Variants in PPARA observed in about 807,000 individuals in gnomAD.
PPARA encodes the protein peroxisome proliferator activated receptor alpha.
PPARA carries 22 observed loss-of-function variants against 42.2 expected under a neutral mutation model. The observed-to-expected ratio is 0.52, with a 90% CI of 0.37 to 0.74. The LOEUF (loss-of-function observed/expected upper bound fraction) is 0.74. Among genes scored for constraint, PPARA ranks in the 30% least tolerant of loss-of-function variants. The pLI is 0.00. For synonymous variants in PPARA, 242 were observed against 239.3 expected (o/e 1.01, Z -0.10); for missense variants, 465 against 608.2 (o/e 0.76, Z 2.48).
At position 46,150,918 on chromosome 22, in the gene PPARA, A is replaced by G. The variant is rs1418998757; in HGVS notation, c.-210+266A>G. 1 of 151,498 alleles carries G rather than the reference A, an allele frequency of 6.6e-6. No individual in the cohort carries two copies. The highest frequency in any genetic ancestry group is 1.5e-5 in the Non-Finnish European group (1 of 67,924). The allele number at this position is 151,498 out of a possible 1,614,324, so 9.4% of individuals were successfully genotyped here. ...CGGGGCCCAGCTCGGCCTCCCTCCTAGCGCTGGGGGCCTGCCCGGAACCCG... is the reference window on the plus strand; with the variant it reads ...CGGGGCCCAGCTCGGCCTCCCTCCTGGCGCTGGGGGCCTGCCCGGAACCCG... On this transcript the variant is annotated intron_variant, in intron 1 of 8. Transcript: ENST00000407236. This position sits in a 1 kb window ranked among gnomAD's most constrained non-coding sequence, Gnocchi z 7.5.
At chr22:46,172,004 C>G (rs921132756) in intron 2 of PPARA, among the ~76,000 whole-genome samples, 2 of 152,128 alleles carry the variant, frequency 1.3e-5, no homozygotes, top group East Asian at 3.9e-4. Flanking sequence ...AAAGGCTCCA[C>G]CGCGTTGGGT....
rs1934451144 is a variant in PPARA, at chr22:46,216,006, G to A, written c.369+673G>A. 6.6e-6 allele frequency among the ~76,000 whole-genome samples: 1 copy of A among 152,150 alleles called. No homozygotes were observed. The highest frequency in any genetic ancestry group is 1.5e-5 in the Non-Finnish European group (1 of 68,034). ...CGGTCCCTGGTGGCAAAAAGGTTGG[G>A]GATTGCTGCTTTAGAGAGTCTAGGA... On this transcript the variant is annotated intron_variant, in intron 5 of 8. Coordinates refer to ENST00000407236, the MANE Select transcript of PPARA (RefSeq NM_005036.6). This position sits in a 1 kb window ranked among gnomAD's most constrained non-coding sequence, Gnocchi z 4.5.
chr22:46,212,209 G>T lies in PPARA; in HGVS notation c.209-2964G>T, dbSNP rs143728672. Reference sequence around the variant, plus strand: ...GTAGCTGGGATTACAGGTGCACACCGCTGAGCCCAGCAAATTTTTGTATTT... The same window carrying T: ...GTAGCTGGGATTACAGGTGCACACCTCTGAGCCCAGCAAATTTTTGTATTT... On this transcript the variant is annotated intron_variant, in intron 4 of 8. Coordinates refer to ENST00000407236, the MANE Select transcript of PPARA (RefSeq NM_005036.6). This position sits in a 1 kb window ranked among gnomAD's most constrained non-coding sequence, Gnocchi z 4.2. Among the ~76,000 whole-genome samples the T allele has an allele frequency of 2.6e-5, 4 of 151,704 alleles. No homozygotes were observed. The East Asian group carries it at 7.8e-4, about 30-fold the overall frequency.
chr22:46,223,747 C>G (rs948137723), intron 7 of PPARA, among the ~76,000 whole-genome samples: 3 of 150,744 alleles, frequency 2.0e-5, no homozygotes, highest in African/African-American at 7.3e-5. Flanking sequence ...CTCAGGAGTT[C>G]GAGACCAGCC....
Position 46,173,036 on chromosome 22 carries a change from C to A in PPARA, c.-126-3717C>A, listed in dbSNP as rs548282065. ...GGCTTGCTTCTGCTCCCTTAGTGTT[C>A]TTGTCACTTTAAGTTGCATTCATCT... On this transcript the variant is annotated intron_variant, in intron 2 of 8. Transcript: ENST00000407236. The surrounding 1 kb of genome is among the most constrained non-coding windows in gnomAD (Gnocchi z 4.3). 3.9e-5 allele frequency among the ~76,000 whole-genome samples: 6 copies of A among 152,274 alleles called. No homozygotes were observed. Among genetic ancestry groups the A allele is most frequent in the African/African-American group, 1.4e-4 (6 of 41,552 alleles).
chr22:46,195,787 G>C lies in PPARA; in HGVS notation c.-42-2555G>C, dbSNP rs114292691. On this transcript the variant is annotated intron_variant, in intron 3 of 8. Transcript: ENST00000407236. The surrounding 1 kb of genome is among the most constrained non-coding windows in gnomAD (Gnocchi z 4.6). ...GATGACGGCTGCCCTGACAGTGGCT[G>C]GTAGCAGCACATACCCCCGAGCCTC... Among the ~76,000 whole-genome samples the C allele has an allele frequency of 0.022, 3,341 of 152,182 alleles. 121 individuals are homozygous for C. Among genetic ancestry groups the C allele is most frequent in the African/African-American group, 0.077 (3,193 of 41,506 alleles).
At chr22:46,176,859 CG>C (rs1323655391) in intron 3 of PPARA, 23 bp downstream of exon 3, 1 of 152,236 alleles carries the variant, frequency 6.6e-6, no homozygotes, top group Non-Finnish European at 1.5e-5. Flanking sequence ...TTAGGAGCAT[CG>C]TGTCTTCCTG....
chr22:46,164,220 A>G (rs1926682094), intron 2 of PPARA: 1 of 151,634 alleles, frequency 6.6e-6, no homozygotes, highest in Non-Finnish European at 1.5e-5. Context: ...AAATAAATAA[A>G]GTCGGGTTTA....
At position 46,222,012 on chromosome 22, in the gene PPARA, G is replaced by A. The variant is rs1187013692; in HGVS notation, c.711+1998G>A. ...GAATTGCTTGAACCTGGGAGCTGGA[G>A]GTTGCAGTGAGCTGAGATCGCACCA... On this transcript the variant is annotated intron_variant, in intron 7 of 8. Coordinates refer to ENST00000407236, the MANE Select transcript of PPARA (RefSeq NM_005036.6). This position sits in a 1 kb window ranked among gnomAD's most constrained non-coding sequence, Gnocchi z 5.9. Among the ~76,000 whole-genome samples, 2 of 152,144 alleles carry A rather than the reference G, an allele frequency of 1.3e-5. No individual in the cohort carries two copies. Among genetic ancestry groups the A allele is most frequent in the Non-Finnish European group, 2.9e-5 (2 of 68,034 alleles).
In PPARA at chr22:46,210,571, T is replaced by C. The variant is rs143975485; in HGVS notation, c.209-4602T>C. On this transcript the variant is annotated intron_variant, in intron 4 of 8. Transcript: ENST00000407236. ...GATTCTCCTGCCTCAGCCTCCCAGG[T>C]AGCTGGGATTACAGGTGCTCACCAC... Among the ~76,000 whole-genome samples, 49 of 152,070 alleles carry C rather than the reference T, an allele frequency of 3.2e-4. 1 individual carries two copies. In the East Asian group the frequency reaches 8.7e-3, roughly 27 times the overall value.
rs1276267215 is a variant in PPARA at position 46,200,046 on chromosome 22, C to G, written c.208+1455C>G. On this transcript the variant is annotated intron_variant, in intron 4 of 8. Coordinates refer to ENST00000407236, the MANE Select transcript of PPARA (RefSeq NM_005036.6). The surrounding 1 kb of genome is among the most constrained non-coding windows in gnomAD (Gnocchi z 4.8). ...CCCAATTAAAATCTTTAACACTAAACAATCTAGTACATCACTGGTGGAAAC... is the reference window on the plus strand; with the variant it reads ...CCCAATTAAAATCTTTAACACTAAAGAATCTAGTACATCACTGGTGGAAAC... Among the ~76,000 whole-genome samples the G allele has an allele frequency of 6.6e-6, 1 of 152,148 alleles. No homozygotes were observed. Among genetic ancestry groups the G allele is most frequent in the African/African-American group, 2.4e-5 (1 of 41,444 alleles).
intron 6 of PPARA, 29 bp downstream of exon 6, chr22:46,218,430 C>G: frequency 6.2e-7 from 1 of 1,613,902 alleles, no homozygotes; most frequent in African/African-American, 1.3e-5. Context: ...CACATTTTCC[C>G]AGTTCGTTCC....
Position 46,235,434 on chromosome 22 carries a change from C to T in PPARA, c.*54C>T. ...AGGAGTTCTGAAGCTGACAGCACTA[C>T]AAAGGAGACGGGGGAGCAGCACGAT... On this transcript the variant is annotated 3_prime_UTR_variant, in exon 9 of 9. Transcript: ENST00000407236. This position sits in a 1 kb window ranked among gnomAD's most constrained non-coding sequence, Gnocchi z 7.0. 6 of 1,601,364 alleles carry T rather than the reference C, an allele frequency of 3.7e-6. No homozygotes were observed. Among genetic ancestry groups the T allele is most frequent in the Non-Finnish European group, 5.1e-6 (6 of 1,175,026 alleles).
At chr22:46,177,046 TACAA>T (rs1380630863) in intron 3 of PPARA, among the ~76,000 whole-genome samples, 6 of 151,956 alleles carry the variant, frequency 3.9e-5, no homozygotes, top group African/African-American at 1.2e-4. Flanking sequence ...CTGTCTCTAC[TACAA>T]ATACAAAAAA....
chr22:46,213,526 GC>G (rs1188097100), intron 4 of PPARA, among the ~76,000 whole-genome samples: 1 of 150,694 alleles, frequency 6.6e-6, no homozygotes, highest in Admixed American at 6.7e-5. Flanking sequence ...CCCTGCCTCA[GC>G]CTCCCAAGTA....
In PPARA at chr22:46,235,771, C is replaced by A. The variant is rs1936173237; in HGVS notation, c.*391C>A. 3 of 297,260 alleles carry A rather than the reference C, an allele frequency of 1.0e-5. 1 individual carries two copies. The highest frequency in any genetic ancestry group is 2.0e-5 in the Non-Finnish European group (3 of 152,480). 18.4% of individuals were successfully genotyped at this position (297,260 alleles called of 1,614,324 possible). ...TCACCCCGCTTTTGACTATTGTGCT[C>A]CTTTATAATTCTGAAAACTAATCAG... On this transcript the variant is annotated 3_prime_UTR_variant, in exon 9 of 9. Coordinates refer to ENST00000407236, the MANE Select transcript of PPARA (RefSeq NM_005036.6). This position sits in a 1 kb window ranked among gnomAD's most constrained non-coding sequence, Gnocchi z 7.0.
Position 46,191,206 on chromosome 22 carries a change from C to A in PPARA, c.-42-7136C>A, listed in dbSNP as rs1189066876. Among the ~76,000 whole-genome samples the A allele has an allele frequency of 2.0e-5, 3 of 152,014 alleles. No individual in the cohort carries two copies. Among genetic ancestry groups the A allele is most frequent in the Middle Eastern group, 3.2e-3 (1 of 316 alleles). ...GAGACTGCATCTATAAAAACAACAA[C>A]AAAAAAGAAAATATTTGCAAAGGAC... On this transcript the variant is annotated intron_variant, in intron 3 of 8. Transcript: ENST00000407236. The surrounding 1 kb of genome is among the most constrained non-coding windows in gnomAD (Gnocchi z 4.6).
Position 46,234,444 on chromosome 22 carries a change from T to C in PPARA, c.1160-689T>C, listed in dbSNP as rs1472190419. On this transcript the variant is annotated intron_variant, in intron 8 of 8. Coordinates refer to ENST00000407236, the MANE Select transcript of PPARA (RefSeq NM_005036.6). This position sits in a 1 kb window ranked among gnomAD's most constrained non-coding sequence, Gnocchi z 5.8. ...CTGGACCAAGAATCAGGTCTCATGCTTTGAGACTGTCCCAGGATGTCTAGT... is the reference window on the plus strand; with the variant it reads ...CTGGACCAAGAATCAGGTCTCATGCCTTGAGACTGTCCCAGGATGTCTAGT... Among the ~76,000 whole-genome samples, 2 of 152,130 alleles carry C rather than the reference T, an allele frequency of 1.3e-5. No homozygotes were observed. Among genetic ancestry groups the C allele is most frequent in the Non-Finnish European group, 2.9e-5 (2 of 68,024 alleles).
chr22:46,169,004 G>A (rs775254511), intron 2 of PPARA, among the ~76,000 whole-genome samples: 3 of 152,002 alleles, frequency 2.0e-5, no homozygotes, highest in Admixed American at 6.6e-5. Flanking sequence ...AAAAAGATGC[G>A]CCAGTGGTTG....
Sources: gnomAD v4.1 joint callset for allele counts (sites outside exome capture counted in the v4.1 genomes callset) on GRCh38, gnomAD v4.1.1 for gene constraint, Gnocchi (gnomAD v3.1) non-coding constraint, MANE v1.5 for transcripts, NCBI Gene and HGNC (gene_info 2026-07-23, HGNC 2026-07-21) for gene names.